Variants in DDX31 observed in about 807,000 individuals in gnomAD.
DDX31 encodes the protein ATP-dependent DNA helicase DDX31.
DDX31 carries 70 observed loss-of-function variants against 91.3 expected under a neutral mutation model. That is an observed-to-expected ratio of 0.77 (90% CI 0.63 to 0.94). The LOEUF (loss-of-function observed/expected upper bound fraction) is 0.94. Among genes scored for constraint, DDX31 ranks in the 40% least tolerant of loss-of-function variants. DDX31 has a pLI of 0.00. For missense variants in DDX31, 902 were observed against 925.0 expected (o/e 0.98, Z 0.32); for synonymous variants, 362 against 350.6 (o/e 1.03, Z -0.36).
At position 132,648,489 on chromosome 9, in the gene DDX31, G is replaced by A; in HGVS notation, c.803C>T (p.Ser268Phe). 1.2e-6 allele frequency: 2 copies of A among 1,614,008 alleles called. No homozygotes were observed. Among genetic ancestry groups the A allele is most frequent in the Non-Finnish European group, 1.7e-6 (2 of 1,179,988 alleles). ...TPGRLVDHIK[S>F]TKNIHFSRLR... ...CCGACTAAAATGAATGTTCTTTGTG[G>A]ATTTTATATGATCCACCAGGCGTCC... The change falls in exon 10 of 20, where the codon TCC (serine) becomes TTC (phenylalanine). Residue 268 changes from serine to phenylalanine, a missense_variant. By Grantham distance (155) the Ser-to-Phe change is radical. Transcript: ENST00000372159.
At chr9:132,616,775 T>C (rs554317798) in intron 18 of DDX31, among the ~76,000 whole-genome samples, 1 of 152,260 alleles carries the variant, frequency 6.6e-6, no homozygotes, top group East Asian at 1.9e-4. Flanking sequence ...CAAGACAGGA[T>C]ATTATTAGAG....
chr9:132,620,240 T>G (rs1831934942), intron 17 of DDX31, among the ~76,000 whole-genome samples: 1 of 151,788 alleles, frequency 6.6e-6, no homozygotes, highest in Admixed American at 6.6e-5. Context: ...GGCCTCAAAT[T>G]AAAGACAGCC....
At chr9:132,651,975 C>T (rs1834215552) in intron 7 of DDX31, among the ~76,000 whole-genome samples, 1 of 151,802 alleles carries the variant, frequency 6.6e-6, no homozygotes, top group Admixed American at 6.6e-5. Flanking sequence ...TCTGAAGTTG[C>T]CTCTGTAGGC....
intron 6 of DDX31, among the ~76,000 whole-genome samples, chr9:132,657,531 T>C (rs1834646153): frequency 6.6e-6 from 1 of 152,258 alleles, no homozygotes; most frequent in African/African-American, 2.4e-5. Context: ...AATTTATTTG[T>C]ATCAGTTTGA....
intron 19 of DDX31, among the ~76,000 whole-genome samples, chr9:132,597,568 T>G (rs1364938632): frequency 6.6e-6 from 1 of 152,252 alleles, no homozygotes; most frequent in Non-Finnish European, 1.5e-5. Flanking sequence ...TGGCTCCTGC[T>G]ACCGCTAAGG....
At chr9:132,646,118 G>A (rs768090667) in intron 12 of DDX31, 47 bp from the exon 13 acceptor site, 11 of 1,582,922 alleles carry the variant, frequency 6.9e-6, no homozygotes, top group East Asian at 2.2e-5. Flanking sequence ...TTAAGATTAG[G>A]TGACGCCAAA....
At chr9:132,646,100 G>C in intron 12 of DDX31, 29 bp from the exon 13 acceptor site, 2 of 1,601,248 alleles carry the variant, frequency 1.2e-6, no homozygotes, top group Non-Finnish European at 8.5e-7. Context: ...AGGAAAAACC[G>C]ACATATTTTA....
chr9:132,660,891 G>A (rs978423572), intron 4 of DDX31, among the ~76,000 whole-genome samples: 6 of 152,098 alleles, frequency 3.9e-5, no homozygotes, highest in African/African-American at 1.4e-4. Flanking sequence ...ACTAAGAAAC[G>A]ACATGGTCAC....
intron 13 of DDX31, among the ~76,000 whole-genome samples, chr9:132,644,452 G>T (rs1833691293): frequency 6.6e-6 from 1 of 152,116 alleles, no homozygotes; most frequent in African/African-American, 2.4e-5. Flanking sequence ...TCACAGAGAG[G>T]TTAAATATTT....
intron 17 of DDX31, among the ~76,000 whole-genome samples, chr9:132,622,176 G>A (rs1243608415): frequency 6.6e-6 from 1 of 152,162 alleles, no homozygotes; most frequent in African/African-American, 2.4e-5. Flanking sequence ...GCAATTGTAT[G>A]TTTTACAGAT....
Position 132,648,391 on chromosome 9 carries a change from C to G in DDX31, c.860+41G>C, listed in dbSNP as rs191291107. On this transcript the variant is annotated intron_variant, in intron 10 of 19. Transcript: ENST00000372159. ...GTTGCAACAAGGAGAGGAGAAACAG[C>G]CCTTCTCTTCTACCTGTTATCATCC... is the stretch of plus-strand genomic sequence containing the variant. 336 of 1,608,748 alleles carry G rather than the reference C, an allele frequency of 2.1e-4. No individual in the cohort carries two copies. In the Middle Eastern group the frequency reaches 2.2e-3, roughly 10 times the overall value.
At chr9:132,612,550 G>A (rs981916193) in intron 18 of DDX31, among the ~76,000 whole-genome samples, 1 of 152,324 alleles carries the variant, frequency 6.6e-6, no homozygotes. Flanking sequence ...GCCCAGCACA[G>A]CACCTGGTAC....
At chr9:132,624,442 C>T (rs1051667018) in intron 17 of DDX31, among the ~76,000 whole-genome samples, 4 of 152,158 alleles carry the variant, frequency 2.6e-5, no homozygotes, top group African/African-American at 7.2e-5. Flanking sequence ...TCAAATTTCA[C>T]CTCTAAATAT....
chr9:132,647,726 G>A (rs1344289927), intron 11 of DDX31, among the ~76,000 whole-genome samples: 1 of 152,154 alleles, frequency 6.6e-6, no homozygotes, highest in Admixed American at 6.5e-5. Context: ...ATAAAAAAGA[G>A]AGCTAAGAAT....
At chr9:132,632,241 TACACACACACACAC>T (rs57020423) in intron 14 of DDX31, 150 bp from the exon 15 acceptor site, 40 of 94,154 alleles carry the variant, frequency 4.2e-4, no homozygotes, top group African/African-American at 1.9e-3. Flanking sequence ...CCAGTACGTG[TACACACACACACAC>T]ACACACACAC....
intron 4 of DDX31, among the ~76,000 whole-genome samples, chr9:132,660,895 T>C (rs761570829): frequency 2.6e-5 from 4 of 152,214 alleles, no homozygotes; most frequent in African/African-American, 4.8e-5. Flanking sequence ...AGAAACGACA[T>C]GGTCACATGC....
chr9:132,657,059 C>T (rs1263504538), intron 6 of DDX31, among the ~76,000 whole-genome samples: 1 of 152,196 alleles, frequency 6.6e-6, no homozygotes, highest in Admixed American at 6.5e-5. Context: ...ACAACTATTA[C>T]TTATGAAACT....
rs908728710 is a variant in DDX31, at chr9:132,605,619, T to G, written c.1994+6468A>C. On this transcript the variant is annotated intron_variant, in intron 19 of 19. Transcript: ENST00000372159. Reference sequence around the variant, plus strand: ...CACACATACAAATACCACAAGCAGATGCAAAGCTGCCACCACAACAGACCA... The same window carrying G: ...CACACATACAAATACCACAAGCAGAGGCAAAGCTGCCACCACAACAGACCA... Among the ~76,000 whole-genome samples, 3 of 152,078 alleles carry G rather than the reference T, an allele frequency of 2.0e-5. 1 individual carries two copies. Among genetic ancestry groups the G allele is most frequent in the Admixed American group, 2.0e-4 (3 of 15,258 alleles).
Position 132,595,617 on chromosome 9 carries a change from CCA to C in DDX31, c.1995-507_1995-506del, listed in dbSNP as rs1830402827. ...AAGTTCCACGCAGCCCTCCAGGGTT[CCA>C]CAGTGAAGGCTGGGATGACAGCCAG... On this transcript the variant is annotated intron_variant, in intron 19 of 19. Coordinates refer to ENST00000372159, the MANE Select transcript of DDX31 (RefSeq NM_022779.9). This position sits in a 1 kb window ranked among gnomAD's most constrained non-coding sequence, Gnocchi z 4.6. Among the ~76,000 whole-genome samples the C allele has an allele frequency of 6.6e-6, 1 of 152,186 alleles. No individual in the cohort carries two copies. Among genetic ancestry groups the C allele is most frequent in the Non-Finnish European group, 1.5e-5 (1 of 68,038 alleles).
Sources: allele counts gnomAD v4.1 joint callset (sites outside exome capture counted in the v4.1 genomes callset), GRCh38; gene constraint gnomAD v4.1.1; non-coding constraint Gnocchi (gnomAD v3.1); transcripts MANE v1.5; gene names NCBI Gene and HGNC (gene_info 2026-07-23, HGNC 2026-07-21).